ARSG: variants seen among roughly 807,000 people sequenced by gnomAD.
ARSG encodes ASG.
ARSG carries 37 observed loss-of-function variants against 50.5 expected under a neutral mutation model. The observed-to-expected ratio is 0.73, with a 90% CI of 0.56 to 0.96. The LOEUF (loss-of-function observed/expected upper bound fraction) is 0.96, where lower values mean the gene tolerates loss of function less well. Ranked by LOEUF, ARSG falls within the 50% of genes least tolerant of loss-of-function variation. The pLI is 0.00. For synonymous variants in ARSG, 225 were observed against 254.6 expected (o/e 0.88, Z 1.11); for missense variants, 629 against 675.3 (o/e 0.93, Z 0.76).
At chr17:68,421,768 T>G (rs1321628437), downstream of ARSG, 1 of 1,614,182 alleles carries the variant, frequency 6.2e-7, no homozygotes, top group Admixed American at 1.7e-5. Context: ...GAGGTGTGCT[T>G]CTCATCATGA....
intron 11 of ARSG, among the ~76,000 whole-genome samples, chr17:68,415,979 A>G (rs969861249): frequency 6.6e-6 from 1 of 152,044 alleles, no homozygotes; most frequent in African/African-American, 2.4e-5. Context: ...GCTGTTTTGT[A>G]TTTTTTTAAG....
rs148096973 is a variant in ARSG at position 68,416,558 on chromosome 17, T to A, written c.1304-3631T>A. ...TTTTCCTTGATTATTCCCCCAAATA[T>A]GTTTTCCAAACTTTTAGATTTCTCT... On this transcript the variant is annotated intron_variant, in intron 11 of 11. Transcript: ENST00000621439. Among the ~76,000 whole-genome samples, 438 of 152,334 alleles carry A rather than the reference T, an allele frequency of 2.9e-3. 3 individuals are homozygous for A. The highest frequency in any genetic ancestry group is 0.01 in the African/African-American group (418 of 41,584).
At chr17:68,387,812 T>C (rs1010810219) in intron 9 of ARSG, among the ~76,000 whole-genome samples, 1 of 152,156 alleles carries the variant, frequency 6.6e-6, no homozygotes, top group Non-Finnish European at 1.5e-5. Context: ...CCTATATCCT[T>C]GAGGCCCTGA....
At chr17:68,278,712 C>T (rs574502889) in intron 1 of ARSG, among the ~76,000 whole-genome samples, 17 of 150,778 alleles carry the variant, frequency 1.1e-4, no homozygotes, top group East Asian at 7.9e-4. Context: ...CTCGGCCTCC[C>T]GGGTTCAAGT....
intron 5 of ARSG, among the ~76,000 whole-genome samples, chr17:68,354,222 A>T (rs1186911615): frequency 6.6e-6 from 1 of 151,354 alleles, no homozygotes; most frequent in East Asian, 2.0e-4. Context: ...GGAGTTTGAG[A>T]TCAGCTTGGT....
intron 1 of ARSG, among the ~76,000 whole-genome samples, chr17:68,295,535 G>A (rs978803042): frequency 7.9e-5 from 12 of 151,778 alleles, no homozygotes; most frequent in Admixed American, 6.6e-4. Flanking sequence ...CAAGCCTGTT[G>A]CAAAAGTCCT....
intron 1 of ARSG, among the ~76,000 whole-genome samples, chr17:68,292,223 C>T (rs2076033610): frequency 6.6e-6 from 1 of 151,616 alleles, no homozygotes; most frequent in Non-Finnish European, 1.5e-5. Context: ...CATCCCCGGC[C>T]CGGGGCGCGC....
rs2082691302 is a variant in ARSG at position 68,420,309 on chromosome 17, A to G, written c.1424A>G (p.Tyr475Cys). 6.2e-7 allele frequency: 1 copy of G among 1,614,174 alleles called. No individual in the cohort carries two copies. Among genetic ancestry groups the G allele is most frequent in the Non-Finnish European group, 8.5e-7 (1 of 1,180,034 alleles). Reference protein sequence around the residue: ...AVPLERGGAEYQAVLPEVRKV... With the variant: ...AVPLERGGAECQAVLPEVRKV... ...CCCCTAGAAAGAGGTGGTGCGGAGT[A>G]CCAGGCTGTGCTGCCCGAGGTCAGA... The change falls in exon 12 of 12, where the codon TAC (tyrosine) becomes TGC (cysteine). Residue 475 changes from tyrosine (Y) to cysteine (C), a missense_variant. Coordinates refer to ENST00000621439, the MANE Select transcript of ARSG (RefSeq NM_001267727.2).
intron 8 of ARSG, among the ~76,000 whole-genome samples, chr17:68,373,447 T>C (rs927878642): frequency 6.6e-6 from 1 of 151,926 alleles, no homozygotes; most frequent in Non-Finnish European, 1.5e-5. Flanking sequence ...CAGGCTGGTC[T>C]TGAACTCCTG....
At chr17:68,278,481 GCT>G in intron 1 of ARSG, 1 of 599,964 alleles carries the variant, frequency 1.7e-6, no homozygotes, top group Non-Finnish European at 2.9e-6. Flanking sequence ...ATGGAGTCTT[GCT>G]CTGTCATCCA....
At chr17:68,312,020 G>A (rs185943031) in intron 2 of ARSG, among the ~76,000 whole-genome samples, 39 of 152,000 alleles carry the variant, frequency 2.6e-4, no homozygotes, top group Admixed American at 6.6e-4. Flanking sequence ...GGCTACTCTC[G>A]AACCCCTGAC....
At chr17:68,403,620 G>A (rs1430620619) in intron 11 of ARSG, among the ~76,000 whole-genome samples, 1 of 152,222 alleles carries the variant, frequency 6.6e-6, no homozygotes, top group African/African-American at 2.4e-5. Context: ...AGGATATGAT[G>A]TTATGGTCAC....
intron 1 of ARSG, among the ~76,000 whole-genome samples, chr17:68,270,283 C>T (rs1302023907): frequency 3.9e-5 from 6 of 152,052 alleles, no homozygotes; most frequent in Admixed American, 6.6e-5. Flanking sequence ...TTGGCGGGTG[C>T]GGTGGCTCAC....
chr17:68,284,240 A>C (rs1370629576), intron 1 of ARSG, among the ~76,000 whole-genome samples: 2 of 151,902 alleles, frequency 1.3e-5, no homozygotes, highest in African/African-American at 4.8e-5. Flanking sequence ...GTGTCTGCTA[A>C]AAATGCAAAA....
chr17:68,307,397 C>A lies in ARSG; in HGVS notation c.-97C>A. The A allele has an allele frequency of 1.0e-6, 1 of 970,520 alleles. No homozygotes were observed. Among genetic ancestry groups the A allele is most frequent in the Non-Finnish European group, 1.6e-6 (1 of 626,888 alleles). The allele number at this position is 970,520 out of a possible 1,614,324, so 60.1% of individuals were successfully genotyped here. ...AGATTCCACCCCTGCTCCCCAGAGA[C>A]TTCCTGCTTTGAAAGTGAGCAGAAA... On this transcript the variant is annotated 5_prime_UTR_variant, in exon 2 of 12. Transcript: ENST00000621439.
intron 2 of ARSG, among the ~76,000 whole-genome samples, chr17:68,335,311 T>C (rs1210697846): frequency 6.6e-6 from 1 of 152,042 alleles, no homozygotes; most frequent in Non-Finnish European, 1.5e-5. Flanking sequence ...CCCAGCACTT[T>C]GGGAGGCCGA....
At chr17:68,402,068 C>T (rs1017358440) in intron 11 of ARSG, among the ~76,000 whole-genome samples, 2 of 152,220 alleles carry the variant, frequency 1.3e-5, no homozygotes, top group African/African-American at 4.8e-5. Context: ...ATATTAAAAT[C>T]CTTTTAAGCC....
chr17:68,446,552 AG>A, the ARSG span, among the ~76,000 whole-genome samples: 1 of 152,208 alleles, frequency 6.6e-6, no homozygotes, highest in Non-Finnish European at 1.5e-5. Flanking sequence ...AAATTCTAAC[AG>A]GTTCTCAAAA....
At chr17:68,306,895 G>A (rs1034175886) in intron 1 of ARSG, 48 bp from the exon 2 acceptor site, 1 of 152,268 alleles carries the variant, frequency 6.6e-6, no homozygotes, top group Non-Finnish European at 1.5e-5. Context: ...AAACACAGCT[G>A]CACTGGCAGT....
Sources: allele counts gnomAD v4.1 joint callset (sites outside exome capture counted in the v4.1 genomes callset), GRCh38; gene constraint gnomAD v4.1.1; transcripts MANE v1.5; gene names NCBI Gene and HGNC (gene_info 2026-07-23, HGNC 2026-07-21).